Variants in ST6GALNAC5 observed in about 807,000 individuals in gnomAD.
ST6GALNAC5 encodes the protein alpha-N-acetylgalactosaminide alpha-2,6-sialyltransferase 5.
Under a neutral mutation model 33.6 loss-of-function variants are expected in ST6GALNAC5, and 27 were observed. The ratio of observed to expected loss-of-function variants is 0.80; its 90% confidence interval spans 0.59 to 1.11. The LOEUF (loss-of-function observed/expected upper bound fraction) is 1.11. ST6GALNAC5 is among the 50% of genes least tolerant of loss of function. The pLI is 0.00. For missense variants in ST6GALNAC5, 428 were observed against 454.0 expected (o/e 0.94, Z 0.52); for synonymous variants, 194 against 171.2 (o/e 1.13, Z -1.04).
intron 2 of ST6GALNAC5, among the ~76,000 whole-genome samples, chr1:76,892,953 T>C (rs4949754): frequency 0.36 from 54,959 of 152,010 alleles, 10,813 homozygotes; most frequent in Non-Finnish European, 0.44. Context: ...CCATAACTTG[T>C]TTGTTCTCTC....
intron 2 of ST6GALNAC5, among the ~76,000 whole-genome samples, chr1:76,892,032 A>G (rs1192053992): frequency 6.6e-6 from 1 of 152,234 alleles, no homozygotes; most frequent in Non-Finnish European, 1.5e-5. Context: ...GATTCTGTGA[A>G]GATGACTGTG....
intron 4 of ST6GALNAC5, 47 bp from the exon 5 acceptor site, chr1:77,062,926 GAA>G: frequency 6.6e-7 from 1 of 1,509,296 alleles, no homozygotes; most frequent in Non-Finnish European, 9.1e-7. Flanking sequence ...TCAGTCAAAG[GAA>G]AAAAAATTTT....
At chr1:76,904,732 G>T (rs1187256313) in intron 2 of ST6GALNAC5, among the ~76,000 whole-genome samples, 1 of 152,148 alleles carries the variant, frequency 6.6e-6, no homozygotes, top group Non-Finnish European at 1.5e-5. Flanking sequence ...GGCTGAGGCA[G>T]GGGAATCACT....
intron 2 of ST6GALNAC5, among the ~76,000 whole-genome samples, chr1:76,967,782 T>C (rs569780612): frequency 6.6e-6 from 1 of 152,354 alleles, no homozygotes; most frequent in East Asian, 1.9e-4. Flanking sequence ...GTACATTGTG[T>C]CTTTTTTCTC....
In ST6GALNAC5 at chr1:76,868,789, C is replaced by G. The variant is rs1263528180; in HGVS notation, c.261+47C>G. 6 of 1,453,634 alleles carry G rather than the reference C, an allele frequency of 4.1e-6. No individual in the cohort carries two copies. Among genetic ancestry groups the G allele is most frequent in the Non-Finnish European group, 5.4e-6 (6 of 1,109,620 alleles). The allele number at this position is 1,453,634 out of a possible 1,614,324, so 90.0% of individuals were successfully genotyped here. ...CGCTCGCCACTCAGCCTGGGGATCC[C>G]GCACACCTGAGCCTTCCCCCTTTCC... On this transcript the variant is annotated intron_variant, in intron 2 of 4. Transcript: ENST00000477717. The surrounding 1 kb of genome is among the most constrained non-coding windows in gnomAD (Gnocchi z 4.3).
At chr1:76,897,326 T>C (rs946632105) in intron 2 of ST6GALNAC5, among the ~76,000 whole-genome samples, 3 of 152,088 alleles carry the variant, frequency 2.0e-5, no homozygotes, top group African/African-American at 4.8e-5. Context: ...TTTAGCACCA[T>C]GGGGTGGATA....
chr1:76,881,391 C>G (rs1278455196), intron 2 of ST6GALNAC5, among the ~76,000 whole-genome samples: 4 of 152,198 alleles, frequency 2.6e-5, no homozygotes, highest in African/African-American at 9.6e-5. Flanking sequence ...TCAGCATAGA[C>G]AGCCCATCTG....
chr1:76,916,325 C>T (rs558317330), intron 2 of ST6GALNAC5, among the ~76,000 whole-genome samples: 2 of 152,230 alleles, frequency 1.3e-5, no homozygotes, highest in Admixed American at 6.5e-5. Flanking sequence ...TGAAAACAAC[C>T]ATGCATTTAC....
At chr1:76,895,421 G>A (rs1037388335) in intron 2 of ST6GALNAC5, among the ~76,000 whole-genome samples, 2 of 152,136 alleles carry the variant, frequency 1.3e-5, no homozygotes, top group African/African-American at 4.8e-5. Context: ...GGGTGATATT[G>A]TGGGGTTGTT....
At chr1:77,026,219 A>G (rs1651227194) in intron 2 of ST6GALNAC5, among the ~76,000 whole-genome samples, 1 of 152,142 alleles carries the variant, frequency 6.6e-6, no homozygotes, top group African/African-American at 2.4e-5. Flanking sequence ...CCTGGGAGAT[A>G]TGATTAAGGA....
At chr1:76,937,325 A>T (rs1279393416) in intron 2 of ST6GALNAC5, among the ~76,000 whole-genome samples, 2 of 152,018 alleles carry the variant, frequency 1.3e-5, no homozygotes, top group Non-Finnish European at 2.9e-5. Flanking sequence ...AATAGGACTT[A>T]TGGGGAAAAT....
intron 2 of ST6GALNAC5, among the ~76,000 whole-genome samples, chr1:76,921,880 A>G (rs142914286): frequency 1.3e-4 from 20 of 152,272 alleles, no homozygotes; most frequent in Non-Finnish European, 2.8e-4. Flanking sequence ...GAACATCTAC[A>G]CAGAAACCCT....
At chr1:76,907,338 C>T (rs1468676931) in intron 2 of ST6GALNAC5, among the ~76,000 whole-genome samples, 1 of 152,110 alleles carries the variant, frequency 6.6e-6, no homozygotes, top group African/African-American at 2.4e-5. Flanking sequence ...TTCCTATTAT[C>T]TCTGAGAACA....
intron 2 of ST6GALNAC5, among the ~76,000 whole-genome samples, chr1:76,978,207 A>G (rs1451916909): frequency 6.6e-6 from 1 of 152,220 alleles, no homozygotes; most frequent in Non-Finnish European, 1.5e-5. Context: ...AGTTCCTTAC[A>G]TATTCTGCAT....
At chr1:76,964,101 C>T (rs1648355356) in intron 2 of ST6GALNAC5, among the ~76,000 whole-genome samples, 1 of 152,152 alleles carries the variant, frequency 6.6e-6, no homozygotes, top group African/African-American at 2.4e-5. Flanking sequence ...ACACTTTGAT[C>T]TTAGCCCAGT....
At chr1:76,927,640 A>G (rs935751933) in intron 2 of ST6GALNAC5, among the ~76,000 whole-genome samples, 2 of 152,092 alleles carry the variant, frequency 1.3e-5, no homozygotes, top group Non-Finnish European at 1.5e-5. Context: ...TAGACTTATA[A>G]TTTTAATTAA....
rs116023321 is a variant in ST6GALNAC5 at position 76,979,345 on chromosome 1, G to T, written c.262-64859G>T. ...TGGAGCAAAAAAATAAATAAATAAAGCAACAGGTATCACACTACCTGATTT... is the reference window on the plus strand; with the variant it reads ...TGGAGCAAAAAAATAAATAAATAAATCAACAGGTATCACACTACCTGATTT... On this transcript the variant is annotated intron_variant, in intron 2 of 4. Coordinates refer to ENST00000477717, the MANE Select transcript of ST6GALNAC5 (RefSeq NM_030965.3). 6.8e-3 allele frequency among the ~76,000 whole-genome samples: 1,036 copies of T among 152,114 alleles called. 20 individuals are homozygous for T. Among genetic ancestry groups the T allele is most frequent in the African/African-American group, 0.024 (982 of 41,518 alleles).
chr1:77,047,807 T>G (rs1317509846), intron 3 of ST6GALNAC5, among the ~76,000 whole-genome samples: 1 of 152,232 alleles, frequency 6.6e-6, no homozygotes, highest in Non-Finnish European at 1.5e-5. Context: ...TTAATTGTAA[T>G]TTAGTATGCA....
At chr1:76,981,179 G>C (rs1022659301) in intron 2 of ST6GALNAC5, among the ~76,000 whole-genome samples, 2 of 152,340 alleles carry the variant, frequency 1.3e-5, no homozygotes, top group East Asian at 1.9e-4. Flanking sequence ...AGCTGAAGCA[G>C]AGCGGGCATC....
Sources: allele counts gnomAD v4.1 joint callset (sites outside exome capture counted in the v4.1 genomes callset), GRCh38; gene constraint gnomAD v4.1.1; non-coding constraint Gnocchi (gnomAD v3.1); transcripts MANE v1.5; gene names NCBI Gene and HGNC (gene_info 2026-07-23, HGNC 2026-07-21).